SAMD12: variants seen among roughly 807,000 people sequenced by gnomAD.
SAMD12 encodes sterile alpha motif domain-containing protein 12.
Under a neutral mutation model 15.0 loss-of-function variants are expected in SAMD12, and 9 were observed. The observed-to-expected ratio is 0.60, with a 90% CI of 0.36 to 1.05. The LOEUF (loss-of-function observed/expected upper bound fraction) is 1.05. SAMD12 is among the 50% of genes least tolerant of loss of function. SAMD12 has a pLI of 0.01. For missense variants in SAMD12, 230 were observed against 234.2 expected, an observed-to-expected ratio of 0.98 and a Z score of 0.12; for synonymous variants, 86 against 90.1, an observed-to-expected ratio of 0.96 and a Z score of 0.25.
At chr8:118,186,644 A>T (rs530751693), downstream of SAMD12, among the ~76,000 whole-genome samples, 1 of 152,208 alleles carries the variant, frequency 6.6e-6, no homozygotes, top group South Asian at 2.1e-4. Context: ...AGAAAAATAT[A>T]GTATTATCAT....
At chr8:118,261,009 T>A (rs1813063737) in intron 4 of SAMD12, among the ~76,000 whole-genome samples, 1 of 152,046 alleles carries the variant, frequency 6.6e-6, no homozygotes, top group Admixed American at 6.6e-5. Context: ...AGTATTCCAG[T>A]CTCTAACAAA....
intron 4 of SAMD12, among the ~76,000 whole-genome samples, chr8:118,286,405 T>A (rs1814021498): frequency 6.6e-6 from 1 of 152,212 alleles, no homozygotes; most frequent in African/African-American, 2.4e-5. Flanking sequence ...TGGGTCTTGT[T>A]CATCTCTGAG....
chr8:118,451,514 C>T (rs1283673004), intron 2 of SAMD12, among the ~76,000 whole-genome samples: 1 of 152,140 alleles, frequency 6.6e-6, no homozygotes, highest in African/African-American at 2.4e-5. Flanking sequence ...TGAGAAAATA[C>T]CTACTCTGCC....
At chr8:118,603,627 A>C (rs1459713669) in intron 1 of SAMD12, among the ~76,000 whole-genome samples, 23 of 152,236 alleles carry the variant, frequency 1.5e-4, no homozygotes, top group Non-Finnish European at 3.4e-4. Context: ...GATGTACTCC[A>C]TCAAAACCAA....
At chr8:118,618,023 TTTTTG>T (rs1247030664) in intron 1 of SAMD12, among the ~76,000 whole-genome samples, 2 of 59,020 alleles carry the variant, frequency 3.4e-5, no homozygotes, top group African/African-American at 5.6e-5. Context: ...CAAGACATTG[TTTTTG>T]TTTTTTTTTT....
At chr8:118,237,261 T>C (rs1034539974) in intron 4 of SAMD12, among the ~76,000 whole-genome samples, 3 of 151,976 alleles carry the variant, frequency 2.0e-5, no homozygotes, top group Admixed American at 6.6e-5. Flanking sequence ...AGAAAAAAGA[T>C]GGAAAAAAAT....
At chr8:118,210,153 A>G (rs1169660298) in intron 4 of SAMD12, among the ~76,000 whole-genome samples, 1 of 152,212 alleles carries the variant, frequency 6.6e-6, no homozygotes, top group Non-Finnish European at 1.5e-5. Context: ...ACAGAAGACA[A>G]GGGATAATAA....
chr8:118,486,790 G>A (rs78061906), intron 2 of SAMD12, among the ~76,000 whole-genome samples: 7,916 of 152,212 alleles, frequency 0.052, 400 homozygotes, highest in African/African-American at 0.12. Flanking sequence ...AACAAGGGGA[G>A]GTGAAGCACC....
chr8:118,499,241 C>A (rs574264695), intron 2 of SAMD12, among the ~76,000 whole-genome samples: 2 of 152,290 alleles, frequency 1.3e-5, no homozygotes, highest in African/African-American at 4.8e-5. Context: ...ACTGCTCCAG[C>A]CTGAGTGTGA....
intron 2 of SAMD12, among the ~76,000 whole-genome samples, chr8:118,451,913 G>T (rs1240109451): frequency 6.6e-6 from 1 of 152,264 alleles, no homozygotes; most frequent in African/African-American, 2.4e-5. Flanking sequence ...GGCTGGTATG[G>T]ACTGAATATC....
chr8:118,286,511 T>C (rs982089556), intron 4 of SAMD12, among the ~76,000 whole-genome samples: 3 of 152,100 alleles, frequency 2.0e-5, no homozygotes, highest in African/African-American at 4.8e-5. Context: ...ATAAAGCTAA[T>C]AAAGGCTAAC....
chr8:118,245,869 T>C (rs1812678693), intron 4 of SAMD12, among the ~76,000 whole-genome samples: 1 of 152,082 alleles, frequency 6.6e-6, no homozygotes, highest in African/African-American at 2.4e-5. Context: ...GAATTTTGAT[T>C]GAGAAAATGT....
intron 1 of SAMD12, among the ~76,000 whole-genome samples, chr8:118,612,731 A>G (rs956358082): frequency 2.0e-5 from 3 of 152,246 alleles, no homozygotes; most frequent in African/African-American, 7.2e-5. Flanking sequence ...CACAAGAGAA[A>G]TAAATTTAGG....
intron 4 of SAMD12, among the ~76,000 whole-genome samples, chr8:118,318,794 G>C (rs1204696432): frequency 2.0e-5 from 3 of 152,090 alleles, no homozygotes; most frequent in Admixed American, 2.0e-4. Flanking sequence ...CTGGGGAGGG[G>C]GCTTCAAGGG....
At chr8:118,380,999 TAGA>T (rs1184504357) in intron 3 of SAMD12, among the ~76,000 whole-genome samples, 2 of 152,208 alleles carry the variant, frequency 1.3e-5, no homozygotes, top group South Asian at 2.1e-4. Flanking sequence ...GAGAAGGTGC[TAGA>T]AGATCTTCAT....
intron 2 of SAMD12, among the ~76,000 whole-genome samples, chr8:118,492,525 C>A (rs1824479491): frequency 2.0e-5 from 3 of 152,240 alleles, no homozygotes; most frequent in Non-Finnish European, 4.4e-5. Context: ...GAAGCCATTT[C>A]TTTGCTCATG....
the SAMD12 span, among the ~76,000 whole-genome samples, chr8:118,165,017 C>CATTGATTG: frequency 7.2e-5 from 10 of 139,682 alleles, no homozygotes; most frequent in Admixed American, 4.4e-4. Context: ...GTTTTCCATA[C>CATTGATTG]ATTGATTCTC....
At chr8:118,171,066 A>G in the SAMD12 span, among the ~76,000 whole-genome samples, 2 of 152,244 alleles carry the variant, frequency 1.3e-5, no homozygotes, top group East Asian at 3.8e-4. Flanking sequence ...ATAAGTACAT[A>G]TAAAAATGCT....
intron 4 of SAMD12, among the ~76,000 whole-genome samples, chr8:118,244,741 CT>C (rs1278125468): frequency 1.3e-5 from 2 of 151,950 alleles, no homozygotes; most frequent in Admixed American, 6.6e-5. Context: ...ATAAAATGCC[CT>C]GAGTGAGATA....
Sources: gnomAD v4.1 joint callset for allele counts (sites outside exome capture counted in the v4.1 genomes callset) on GRCh38, gnomAD v4.1.1 for gene constraint, MANE v1.5 for transcripts, NCBI Gene and HGNC (gene_info 2026-07-23, HGNC 2026-07-21) for gene names.